The following HDAC9 variants were observed in gnomAD, a reference collection of about 807,000 sequenced individuals.
HDAC9 encodes the protein histone deacetylase 9, also known as MEF-2 interacting transcription repressor (MITR) protein.
HDAC9 carries 41 observed loss-of-function variants against 139.4 expected under a neutral mutation model. The ratio of observed to expected loss-of-function variants is 0.29; its 90% CI spans 0.23 to 0.38. The LOEUF is 0.38. HDAC9 is among the 10% of genes least tolerant of loss of function. The pLI, the probability that HDAC9 is intolerant of heterozygous loss-of-function variation, is 1.00. For synonymous variants in HDAC9, 517 were observed against 476.2 expected (o/e 1.09, Z -1.12); for missense variants, 1,147 against 1,297.0 (o/e 0.88, Z 1.78).
At chr7:18,781,141 A>G (rs1423492206) in intron 16 of HDAC9, among the ~76,000 whole-genome samples, 1 of 151,960 alleles carries the variant, frequency 6.6e-6, no homozygotes, top group Non-Finnish European at 1.5e-5. Flanking sequence ...TTTTCTTATA[A>G]GGACATCAGT....
chr7:18,958,002 A>C (rs1296522238), intron 24 of HDAC9, among the ~76,000 whole-genome samples: 1 of 152,112 alleles, frequency 6.6e-6, no homozygotes, highest in Non-Finnish European at 1.5e-5. Context: ...TCTCCTGTGA[A>C]TTTCTTTTTG....
intron 2 of HDAC9, among the ~76,000 whole-genome samples, chr7:18,192,578 T>C (rs976906067): frequency 6.6e-6 from 1 of 152,072 alleles, no homozygotes; most frequent in Non-Finnish European, 1.5e-5. Context: ...CACTCAGGAA[T>C]TTGCTTTTGG....
chr7:18,822,698 C>T (rs1204747690), intron 17 of HDAC9, among the ~76,000 whole-genome samples: 1 of 152,120 alleles, frequency 6.6e-6, no homozygotes, highest in Non-Finnish European at 1.5e-5. Context: ...CCAGATCAGG[C>T]AGTTGACTAG....
rs188576764 is a variant in HDAC9, at chr7:18,147,516, A to T, written c.-96-14713A>T. Among the ~76,000 whole-genome samples the T allele has an allele frequency of 9.2e-5, 14 of 152,138 alleles. No homozygotes were observed. The East Asian group carries it at 1.5e-3, about 17-fold the overall frequency. On this transcript the variant is annotated intron_variant, in intron 1 of 12. Transcript: ENST00000417496. ...CACATGGAAAATACATCATTGGAGC[A>T]TATGTTGTTTATTTTTTTATTATGA... is the stretch of plus-strand genomic sequence containing the variant.
rs1416711695 is a variant in HDAC9 at position 18,732,960 on chromosome 7, T to C, written c.1909+5203T>C. Among the ~76,000 whole-genome samples, 22 of 132,738 alleles carry C rather than the reference T, an allele frequency of 1.7e-4. 1 individual carries two copies. Among genetic ancestry groups the C allele is most frequent in the African/African-American group, 5.7e-4 (16 of 28,162 alleles). 87.1% of individuals were successfully genotyped at this position (132,738 alleles called of 152,430 possible). A position where few individuals can be genotyped will look rare whatever the true frequency, so the allele number is the denominator to read the frequency against. ...ATGTGTATACACACGTGTATGTGTG[T>C]GTATGTGTATATACACATGTGTATG... On this transcript the variant is annotated intron_variant, in intron 13 of 25. Coordinates refer to ENST00000686413, the MANE Select transcript of HDAC9 (RefSeq NM_178425.4).
chr7:18,879,047 A>G (rs973959671), intron 22 of HDAC9, among the ~76,000 whole-genome samples: 3 of 152,110 alleles, frequency 2.0e-5, no homozygotes, highest in Non-Finnish European at 2.9e-5. Flanking sequence ...GAGAAAGGCA[A>G]TCCCATTCAC....
At chr7:18,200,472 A>C (rs1174754669) in intron 2 of HDAC9, among the ~76,000 whole-genome samples, 1 of 152,136 alleles carries the variant, frequency 6.6e-6, no homozygotes, top group East Asian at 1.9e-4. Flanking sequence ...GTGTCAGTGG[A>C]ACGTTTCAGT....
At chr7:18,744,090 A>G (rs1787718538) in intron 13 of HDAC9, among the ~76,000 whole-genome samples, 1 of 145,716 alleles carries the variant, frequency 6.9e-6, no homozygotes, top group South Asian at 2.2e-4. Flanking sequence ...TCCCAGGTTC[A>G]AGCGATCCTC....
intron 8 of HDAC9, among the ~76,000 whole-genome samples, chr7:18,638,613 AG>A (rs1784611188): frequency 6.6e-6 from 1 of 152,032 alleles, no homozygotes; most frequent in Admixed American, 6.6e-5. Context: ...AGTGTTTGGA[AG>A]GCAGGTGGTA....
intron 13 of HDAC9, among the ~76,000 whole-genome samples, chr7:18,745,355 G>A (rs1325732797): frequency 6.6e-6 from 1 of 151,870 alleles, no homozygotes; most frequent in East Asian, 1.9e-4. Flanking sequence ...ATAATCTCTA[G>A]GTACCTGGCA....
chr7:18,753,802 C>T (rs1258292829), intron 14 of HDAC9, among the ~76,000 whole-genome samples: 1 of 152,058 alleles, frequency 6.6e-6, no homozygotes, highest in African/African-American at 2.4e-5. Flanking sequence ...TTTAACTTTG[C>T]TGATCTTTGG....
intron 1 of HDAC9, among the ~76,000 whole-genome samples, chr7:18,292,730 G>A (rs13232015): frequency 0.21 from 31,242 of 152,080 alleles, 3,289 homozygotes; most frequent in Non-Finnish European, 0.22. Flanking sequence ...CAGTTTTTGA[G>A]AACATGGAGT....
At chr7:18,349,812 T>C (rs1345740759) in intron 1 of HDAC9, among the ~76,000 whole-genome samples, 1 of 152,178 alleles carries the variant, frequency 6.6e-6, no homozygotes, top group African/African-American at 2.4e-5. Flanking sequence ...AAAAGGTTTT[T>C]GGAAAGATCC....
At chr7:18,724,466 T>TA (rs1467058200) in intron 12 of HDAC9, among the ~76,000 whole-genome samples, 1 of 152,140 alleles carries the variant, frequency 6.6e-6, no homozygotes, top group African/African-American at 2.4e-5. Context: ...ATAAGGCACT[T>TA]AGAATGAGTG....
chr7:18,653,783 G>T (rs1263728871), intron 11 of HDAC9, among the ~76,000 whole-genome samples: 1 of 152,112 alleles, frequency 6.6e-6, no homozygotes, highest in Non-Finnish European at 1.5e-5. Flanking sequence ...GCTTTCATTA[G>T]CTTTTGGAAG....
chr7:18,111,022 T>C (rs1783580503), intron 1 of HDAC9, among the ~76,000 whole-genome samples: 1 of 152,190 alleles, frequency 6.6e-6, no homozygotes, highest in Non-Finnish European at 1.5e-5. Flanking sequence ...GAAGTGCTTA[T>C]GGGTTATTCA....
At chr7:18,538,560 C>A (rs1811651875) in intron 2 of HDAC9, among the ~76,000 whole-genome samples, 2 of 152,190 alleles carry the variant, frequency 1.3e-5, no homozygotes, top group Non-Finnish European at 2.9e-5. Flanking sequence ...AGCCTTAATT[C>A]CCTTGTGAAG....
At chr7:18,610,897 A>T (rs1161753003) in intron 6 of HDAC9, among the ~76,000 whole-genome samples, 1 of 152,202 alleles carries the variant, frequency 6.6e-6, no homozygotes, top group Non-Finnish European at 1.5e-5. Context: ...AATCAAGTTT[A>T]TTCAGAAGCA....
upstream of HDAC9, among the ~76,000 whole-genome samples, chr7:18,289,826 A>G (rs960465680): frequency 6.6e-6 from 1 of 152,116 alleles, no homozygotes; most frequent in Non-Finnish European, 1.5e-5. Flanking sequence ...CTTTCCATCT[A>G]AGAAACAATT....
Sources: gnomAD v4.1 joint callset for allele counts (sites outside exome capture counted in the v4.1 genomes callset) on GRCh38, gnomAD v4.1.1 for gene constraint, MANE v1.5 for transcripts, NCBI Gene and HGNC (gene_info 2026-07-23, HGNC 2026-07-21) for gene names.